Variants in MB observed in about 807,000 individuals in gnomAD.
MB encodes nitrite reductase MB.
A neutral mutation model predicts 14.5 loss-of-function variants in MB; 10 were observed. That is an observed-to-expected ratio of 0.69 (90% CI 0.43 to 1.17). The LOEUF is 1.17. Among genes scored for constraint, MB ranks in the 50% most tolerant of loss-of-function variants. MB has a pLI of 0.00. For synonymous variants in MB, 89 were observed against 78.6 expected (o/e 1.13, Z -0.70); for missense variants, 169 against 192.7 (o/e 0.88, Z 0.73).
At chr22:35,614,726 C>G (rs898977009) in intron 1 of MB, among the ~76,000 whole-genome samples, 5 of 122,508 alleles carry the variant, frequency 4.1e-5, no homozygotes, top group African/African-American at 1.9e-4. Flanking sequence ...TCCTCCTCAT[C>G]ATCTCTACCA....
intron 1 of MB, among the ~76,000 whole-genome samples, chr22:35,612,369 T>C (rs998127639): frequency 6.6e-6 from 1 of 152,204 alleles, no homozygotes; most frequent in Admixed American, 6.5e-5. Flanking sequence ...GATGCTGAGC[T>C]CCTCAACCTG....
intron 2 of MB, 53 bp downstream of exon 2, chr22:35,610,830 GC>G: frequency 7.0e-7 from 1 of 1,431,502 alleles, no homozygotes; most frequent in Non-Finnish European, 9.7e-7. Flanking sequence ...AGATCCCATT[GC>G]CCCACCCGAG....
intron 2 of MB, among the ~76,000 whole-genome samples, chr22:35,609,592 C>A (rs1370383628): frequency 6.6e-6 from 1 of 152,156 alleles, no homozygotes; most frequent in Non-Finnish European, 1.5e-5. Context: ...TTCCAGAGTA[C>A]CATGGATCTG....
intron 1 of MB, among the ~76,000 whole-genome samples, chr22:35,614,854 G>A (rs765034089): frequency 2.6e-5 from 4 of 152,100 alleles, no homozygotes; most frequent in Non-Finnish European, 4.4e-5. Context: ...GAGAAGTAGT[G>A]ACCACCACTG....
At chr22:35,619,857 C>T (rs1266849984), upstream of MB, among the ~76,000 whole-genome samples, 1 of 152,176 alleles carries the variant, frequency 6.6e-6, no homozygotes, top group Admixed American at 6.5e-5. Context: ...TGTCTCCATT[C>T]AGTGAGTCCT....
At chr22:35,610,169 C>G (rs1475673994) in intron 2 of MB, among the ~76,000 whole-genome samples, 1 of 152,184 alleles carries the variant, frequency 6.6e-6, no homozygotes, top group Non-Finnish European at 1.5e-5. Flanking sequence ...CAGCTCCCTC[C>G]TCTCCCCAAA....
chr22:35,616,488 G>C (rs776079577), intron 1 of MB, among the ~76,000 whole-genome samples: 17 of 152,128 alleles, frequency 1.1e-4, no homozygotes, highest in Non-Finnish European at 2.1e-4. Context: ...GCTTTGAAAG[G>C]TCCCTAGCCT....
chr22:35,613,736 C>T (rs957503659), intron 1 of MB, among the ~76,000 whole-genome samples: 15 of 152,146 alleles, frequency 9.9e-5, no homozygotes, highest in African/African-American at 3.4e-4. Flanking sequence ...TGGACTCAAG[C>T]GATTCCCCGA....
At chr22:35,621,230 C>T (rs369375000), upstream of MB, among the ~76,000 whole-genome samples, 8 of 152,298 alleles carry the variant, frequency 5.3e-5, no homozygotes, top group South Asian at 6.2e-4. Flanking sequence ...CGCACACACA[C>T]GCACGAATGC....
At position 35,607,419 on chromosome 22, in the gene MB, C is replaced by T. The variant is rs201339754; in HGVS notation, c.343G>A (p.Val115Ile). Residue 115 changes from valine (V) to isoleucine (I), a missense_variant, in exon 3 of 3, where the codon GTT (valine) becomes ATT (isoleucine). Physicochemically the swap from Val to Ile is conservative, Grantham distance 29. Coordinates refer to ENST00000397326, the MANE Select transcript of MB (RefSeq NM_005368.3). ...TCCCCGGGATGCTTGCTCTGCAGAA[C>T]CTGGATGATGCATTCCGAGATGAAC... ...LEFISECIIQ[V>I]LQSKHPGDFG... 81 of 1,613,850 alleles carry T rather than the reference C, an allele frequency of 5.0e-5. No homozygotes were observed. The highest frequency in any genetic ancestry group is 6.6e-5 in the Non-Finnish European group (78 of 1,179,878).
intron 2 of MB, among the ~76,000 whole-genome samples, chr22:35,607,650 G>C (rs910873876): frequency 6.6e-6 from 1 of 152,144 alleles, no homozygotes; most frequent in Non-Finnish European, 1.5e-5. Flanking sequence ...AACTGCCCTC[G>C]ATTTACAGAT....
upstream of MB, among the ~76,000 whole-genome samples, chr22:35,619,230 T>A (rs1923310192): frequency 6.6e-6 from 1 of 152,242 alleles, no homozygotes; most frequent in South Asian, 2.1e-4. Flanking sequence ...TACAGTTTGT[T>A]TAGTGCTATG....
chr22:35,612,745 G>C (rs955344116), intron 1 of MB, among the ~76,000 whole-genome samples: 1 of 152,128 alleles, frequency 6.6e-6, no homozygotes, highest in African/African-American at 2.4e-5. Flanking sequence ...ATGACTATTC[G>C]GACTTTGTTA....
Position 35,610,889 on chromosome 22 carries a change from G to A in MB, c.313C>T (p.Leu105=), listed in dbSNP as rs1922560557. ...ATKHKIPVKY[L]EFISECIIQV... ...TGCCCAGGCTCTGCTCCTACCTCCA[G>A]GTACTTCACGGGGATCTTGTGCTTG... Residue 105 remains leucine (L), a synonymous_variant, in exon 2 of 3, where the codon CTG becomes TTG. Coordinates refer to ENST00000397326, the MANE Select transcript of MB (RefSeq NM_005368.3). 3 of 1,613,518 alleles carry A rather than the reference G, an allele frequency of 1.9e-6. No individual in the cohort carries two copies. Among genetic ancestry groups the A allele is most frequent in the Non-Finnish European group, 2.5e-6 (3 of 1,179,802 alleles).
chr22:35,620,820 G>C (rs1178031405), upstream of MB, among the ~76,000 whole-genome samples: 1 of 152,194 alleles, frequency 6.6e-6, no homozygotes, highest in Non-Finnish European at 1.5e-5. Context: ...GGCCTCCTGA[G>C]TTGTCTGGGG....
chr22:35,616,367 T>C (rs929093020), intron 1 of MB, among the ~76,000 whole-genome samples: 6 of 152,170 alleles, frequency 3.9e-5, no homozygotes, highest in Non-Finnish European at 7.4e-5. Flanking sequence ...TCCCTTGTGG[T>C]AGAAGGCAGG....
intron 2 of MB, among the ~76,000 whole-genome samples, chr22:35,610,066 A>G (rs1922483816): frequency 6.6e-6 from 1 of 152,160 alleles, no homozygotes; most frequent in Non-Finnish European, 1.5e-5. Flanking sequence ...CCCAGCGGGT[A>G]GCTATCACCA....
chr22:35,607,468 A>G (rs751113461), intron 2 of MB, 25 bp from the exon 3 acceptor site: 16 of 1,609,528 alleles, frequency 9.9e-6, no homozygotes, highest in African/African-American at 2.7e-5. Flanking sequence ...AGGAGAGAAA[A>G]TGGTCACCAG....
At chr22:35,622,581 G>C (rs1485880415) in intron 1 of MB, 1 of 152,460 alleles carries the variant, frequency 6.6e-6, no homozygotes, top group Non-Finnish European at 1.5e-5. Context: ...GAGGCACAGG[G>C]AACTAAAAAT....
Sources: gnomAD v4.1 joint callset for allele counts (sites outside exome capture counted in the v4.1 genomes callset) on GRCh38, gnomAD v4.1.1 for gene constraint, MANE v1.5 for transcripts, NCBI Gene and HGNC (gene_info 2026-07-23, HGNC 2026-07-21) for gene names.